PRUNE2: variants seen among roughly 807,000 people sequenced by gnomAD.
PRUNE2 encodes the protein prune homolog 2 with BCH domain.
In PRUNE2, 164 loss-of-function variants were observed where a neutral mutation model predicts 252.0. The ratio of observed to expected loss-of-function variants is 0.65; its 90% confidence interval spans 0.57 to 0.74. The LOEUF is 0.74. Ranked by LOEUF, PRUNE2 falls within the 30% of genes least tolerant of loss-of-function variation. PRUNE2 has a pLI of 0.00. For synonymous variants in PRUNE2, 1,292 were observed against 1,350.2 expected (o/e 0.96, Z 0.94); for missense variants, 3,495 against 3,711.0 (o/e 0.94, Z 1.51).
rs761501258 is a variant in PRUNE2 at position 76,704,988 on chromosome 9, A to G, written c.7286T>C (p.Ile2429Thr). Residue 2429 changes from isoleucine (I) to threonine (T), a missense_variant, in exon 8 of 19, where the codon ATA (isoleucine) becomes ACA (threonine). Physicochemically the swap from Ile to Thr is moderately conservative, Grantham distance 89 (BLOSUM62 -1). Coordinates refer to ENST00000376718, the MANE Select transcript of PRUNE2 (RefSeq NM_015225.3). ...TCGATCAGGAAGTGCAGAAAGCACT[A>G]TCTCTGCTGCTCTGCATCCCAGAGA... ...DESLGCRAAE[I>T]VLSALPDRRS... The G allele has an allele frequency of 2.5e-6, 4 of 1,613,798 alleles. No individual in the cohort carries two copies. The highest frequency in any genetic ancestry group is 3.4e-6 in the Non-Finnish European group (4 of 1,179,786).
chr9:76,670,546 C>T (rs2041191417), intron 9 of PRUNE2, among the ~76,000 whole-genome samples: 1 of 152,022 alleles, frequency 6.6e-6, no homozygotes, highest in African/African-American at 2.4e-5. Context: ...GGGTGGAGCC[C>T]ACCACAGCTC....
At chr9:76,663,406 A>G (rs773858065) in intron 9 of PRUNE2, among the ~76,000 whole-genome samples, 2 of 152,234 alleles carry the variant, frequency 1.3e-5, no homozygotes, top group African/African-American at 2.4e-5. Context: ...GCACTCGCCC[A>G]GACACCTTCT....
rs375991145 is a variant in PRUNE2 at position 76,707,698 on chromosome 9, C to T, written c.4576G>A (p.Gly1526Ser). 6.5e-5 allele frequency: 105 copies of T among 1,613,690 alleles called. No homozygotes were observed. Among genetic ancestry groups the T allele is most frequent in the South Asian group, 2.1e-4 (19 of 91,076 alleles). Residue 1526 changes from glycine (G) to serine (S), a missense_variant, in exon 8 of 19, where the codon GGT becomes AGT. By Grantham distance (56) the Gly-to-Ser change is moderately conservative. Transcript: ENST00000376718. ...TCTCTGTCAAAATTTCCAGACGAAC[C>T]GGCTCCTGGAAGGCTATTTTCAGAC... ...KGSENSLPGA[G>S]SSGNFDRDTI...
chr9:76,752,171 CA>C (rs1456563115), intron 6 of PRUNE2, among the ~76,000 whole-genome samples: 10 of 151,428 alleles, frequency 6.6e-5, no homozygotes, highest in Admixed American at 2.0e-4. Context: ...AATCTCGGCT[CA>C]CTGCAAACTC....
intron 17 of PRUNE2, among the ~76,000 whole-genome samples, chr9:76,622,722 T>C (rs1832922304): frequency 6.6e-6 from 1 of 152,356 alleles, no homozygotes; most frequent in East Asian, 1.9e-4. Context: ...GTATTTTCCT[T>C]ACTTCCACAA....
intron 1 of PRUNE2, among the ~76,000 whole-genome samples, chr9:76,900,921 C>T (rs1203727465): frequency 6.6e-6 from 1 of 152,100 alleles, no homozygotes; most frequent in Non-Finnish European, 1.5e-5. Flanking sequence ...AATATCTGCC[C>T]AAATAAATGT....
At chr9:76,825,966 C>T (rs1251723747) in intron 5 of PRUNE2, among the ~76,000 whole-genome samples, 1 of 152,140 alleles carries the variant, frequency 6.6e-6, no homozygotes, top group African/African-American at 2.4e-5. Flanking sequence ...TTGCTCCTTC[C>T]ATCTTCTCAA....
chr9:76,744,712 C>G (rs1368633996), intron 6 of PRUNE2, among the ~76,000 whole-genome samples: 1 of 152,128 alleles, frequency 6.6e-6, no homozygotes, highest in Non-Finnish European at 1.5e-5. Flanking sequence ...TACTCTGAGC[C>G]CCTGTTTGTT....
At chr9:76,849,006 T>A (rs1036633646) in intron 3 of PRUNE2, among the ~76,000 whole-genome samples, 14 of 152,300 alleles carry the variant, frequency 9.2e-5, no homozygotes, top group African/African-American at 3.4e-4. Flanking sequence ...CCTCCCAGGC[T>A]CAATTGATCC....
In PRUNE2 at chr9:76,709,610, G is replaced by A; in HGVS notation, c.2664C>T (p.His888=). 1 of 1,613,960 alleles carries A rather than the reference G, an allele frequency of 6.2e-7. No individual in the cohort carries two copies. The change falls in exon 8 of 19, where the codon CAC becomes CAT. Residue 888 remains histidine, a synonymous_variant. Transcript: ENST00000376718. ...APGNPSSDLD[H]TWTNSKPPKE... The stretch of plus-strand genomic sequence containing the variant: ...TTGGTGGCTTAGAATTAGTCCATGT[G>A]TGATCCAGATCAGAACTGGGATTTC...
intron 9 of PRUNE2, among the ~76,000 whole-genome samples, chr9:76,694,812 C>T (rs1269365208): frequency 2.0e-5 from 3 of 151,478 alleles, no homozygotes; most frequent in Admixed American, 6.6e-5. Flanking sequence ...AAATAGCATT[C>T]TATTATGTTG....
At chr9:76,783,797 C>T (rs1184336173) in intron 6 of PRUNE2, 1 of 152,132 alleles carries the variant, frequency 6.6e-6, no homozygotes, top group Non-Finnish European at 1.5e-5. Context: ...AGCAAGATGA[C>T]AATATAATGT....
intron 1 of PRUNE2, chr9:76,862,476 C>G (rs1361982777): frequency 6.6e-6 from 1 of 152,290 alleles, no homozygotes; most frequent in African/African-American, 2.4e-5. Flanking sequence ...TTACTGTGCT[C>G]AGGCCTCCAG....
At chr9:76,733,090 C>A (rs895992028) in intron 6 of PRUNE2, among the ~76,000 whole-genome samples, 1 of 152,094 alleles carries the variant, frequency 6.6e-6, no homozygotes. Context: ...ATTTTTCTAC[C>A]TGCTGAGAGA....
chr9:76,654,608 G>A (rs1416026038), intron 10 of PRUNE2, among the ~76,000 whole-genome samples: 1 of 152,220 alleles, frequency 6.6e-6, no homozygotes, highest in Non-Finnish European at 1.5e-5. Context: ...ATAGCCACAT[G>A]TGACTAGCTG....
At chr9:76,699,639 C>T (rs1431254133) in intron 9 of PRUNE2, among the ~76,000 whole-genome samples, 1 of 152,166 alleles carries the variant, frequency 6.6e-6, no homozygotes, top group African/African-American at 2.4e-5. Flanking sequence ...TGCCAGCTTG[C>T]CCTATAGACT....
rs558799585 is a variant in PRUNE2 at position 76,763,814 on chromosome 9, G to A, written c.757-50093C>T. ...AAAGGGCATGGGGAAGCATGGGGAAGAGGGAGCTTTCTTCTGTGTTTAGAC... is the reference window on the plus strand; with the variant it reads ...AAAGGGCATGGGGAAGCATGGGGAAAAGGGAGCTTTCTTCTGTGTTTAGAC... On this transcript the variant is annotated intron_variant, in intron 6 of 18. Transcript: ENST00000376718. Among the ~76,000 whole-genome samples, 313 of 150,074 alleles carry A rather than the reference G, an allele frequency of 2.1e-3. 1 individual carries two copies. The highest frequency in any genetic ancestry group is 3.6e-3 in the Non-Finnish European group (241 of 67,216).
At chr9:76,720,349 C>T (rs2047528335) in intron 6 of PRUNE2, among the ~76,000 whole-genome samples, 1 of 152,182 alleles carries the variant, frequency 6.6e-6, no homozygotes, top group Non-Finnish European at 1.5e-5. Flanking sequence ...TTGTGTCTCT[C>T]CATTATTTTA....
At chr9:76,693,401 C>A (rs1476330363) in intron 9 of PRUNE2, among the ~76,000 whole-genome samples, 1 of 148,206 alleles carries the variant, frequency 6.7e-6, no homozygotes, top group African/African-American at 2.5e-5. Flanking sequence ...CAGCAGATGA[C>A]CACCAGGGTA....
Sources: gnomAD v4.1 joint callset for allele counts (sites outside exome capture counted in the v4.1 genomes callset) on GRCh38, gnomAD v4.1.1 for gene constraint, MANE v1.5 for transcripts, NCBI Gene and HGNC (gene_info 2026-07-23, HGNC 2026-07-21) for gene names.